KCNQ2: variants seen among roughly 807,000 people sequenced by gnomAD.
KCNQ2 encodes potassium voltage-gated channel subfamily KQT member 2.
A neutral mutation model predicts 84.8 loss-of-function variants in KCNQ2; 14 were observed. That is an observed-to-expected ratio of 0.17 (90% CI 0.11 to 0.26). The LOEUF (loss-of-function observed/expected upper bound fraction) is 0.26, where lower values mean the gene tolerates loss of function less well. Among genes scored for constraint, KCNQ2 ranks in the 10% least tolerant of loss-of-function variants. The pLI, the probability that KCNQ2 is intolerant of heterozygous loss-of-function variation, is 1.00. For synonymous variants in KCNQ2, 599 were observed against 554.1 expected (o/e 1.08, Z -1.14); for missense variants, 788 against 1,254.0 (o/e 0.63, Z 5.61).
intron 8 of KCNQ2, among the ~76,000 whole-genome samples, chr20:63,432,175 C>G (rs1438705862): frequency 6.8e-6 from 1 of 147,872 alleles, no homozygotes; most frequent in African/African-American, 2.5e-5. Context: ...GAAGGCCACA[C>G]CCACAGGGAA....
intron 4 of KCNQ2, 51 bp downstream of exon 4, chr20:63,444,608 G>C: frequency 6.9e-7 from 1 of 1,454,990 alleles, no homozygotes; most frequent in South Asian, 1.4e-5. Flanking sequence ...TCTGGGCCAG[G>C]ACTCTCGCTG....
At chr20:63,468,806 G>A (rs756375010) in intron 1 of KCNQ2, among the ~76,000 whole-genome samples, 39 of 152,312 alleles carry the variant, frequency 2.6e-4, no homozygotes, top group East Asian at 3.9e-4. Context: ...GCCACTCCAC[G>A]TGGCTGGGCT....
rs910070306 is a variant in KCNQ2, at chr20:63,420,299, C to T, written c.1248-627G>A. Among the ~76,000 whole-genome samples, 16 of 152,372 alleles carry T rather than the reference C, an allele frequency of 1.1e-4. No individual in the cohort carries two copies. In the East Asian group the frequency reaches 1.2e-3, roughly 11 times the overall value. On this transcript the variant is annotated intron_variant, in intron 11 of 16. Transcript: ENST00000359125. ...GCCCTTCAGGAGCGCAGCTCCCCGC[C>T]GGGGCGTTCCTTAGAAAAGGCTCAG...
rs1396548183 is a variant in KCNQ2 at position 63,408,143 on chromosome 20, T to C, written c.1887+270A>G. 6.1e-6 allele frequency: 3 copies of C among 494,228 alleles called. No individual in the cohort carries two copies. Among genetic ancestry groups the C allele is most frequent in the East Asian group, 3.7e-5 (1 of 26,924 alleles). The allele number at this position is 494,228 out of a possible 1,614,324, so 30.6% of individuals were successfully genotyped here. Reference sequence around the variant, plus strand: ...CGTTCCACAAGGAACCCCTGAGGGATCCACCTCTCAGCAGCCCCCACCCAG... The same window carrying C: ...CGTTCCACAAGGAACCCCTGAGGGACCCACCTCTCAGCAGCCCCCACCCAG... On this transcript the variant is annotated intron_variant, in intron 16 of 16. Coordinates refer to ENST00000359125, the MANE Select transcript of KCNQ2 (RefSeq NM_172107.4). This position sits in a 1 kb window ranked among gnomAD's most constrained non-coding sequence, Gnocchi z 5.0.
At chr20:63,441,015 TG>T (rs1420885005) in intron 5 of KCNQ2, among the ~76,000 whole-genome samples, 1 of 137,000 alleles carries the variant, frequency 7.3e-6, no homozygotes, top group African/African-American at 2.8e-5. Context: ...TCCCCCAGGC[TG>T]GAGTGCAGTG....
At chr20:63,466,313 CCG>C (rs1487453540) in intron 1 of KCNQ2, 2 of 152,048 alleles carry the variant, frequency 1.3e-5, no homozygotes, top group East Asian at 3.9e-4. Context: ...AGCCGGGGCC[CCG>C]CGCTTCAACC....
At chr20:63,421,753 G>T (rs1272968408) in intron 11 of KCNQ2, among the ~76,000 whole-genome samples, 9 of 152,154 alleles carry the variant, frequency 5.9e-5, no homozygotes, top group African/African-American at 2.2e-4. Flanking sequence ...CAGCACGGGG[G>T]CAGGAGGCAG....
At position 63,438,212 on chromosome 20, in the gene KCNQ2, T is replaced by G; in HGVS notation, c.1023+413A>C. On this transcript the variant is annotated intron_variant, in intron 7 of 16. Coordinates refer to ENST00000359125, the MANE Select transcript of KCNQ2 (RefSeq NM_172107.4). The surrounding 1 kb of genome is among the most constrained non-coding windows in gnomAD (Gnocchi z 5.1). ...AATGGTGGGACGGCACTGGGTGGGG[T>G]CCGGGCGGGCATCATGGGGGCCCAC... The G allele has an allele frequency of 3.3e-6, 1 of 307,622 alleles. No homozygotes were observed. The highest frequency in any genetic ancestry group is 6.3e-6 in the Non-Finnish European group (1 of 157,494). The allele number at this position is 307,622 out of a possible 1,614,324, so 19.1% of individuals were successfully genotyped here. A position where few individuals can be genotyped will look rare whatever the true frequency, so the allele number is the denominator to read the frequency against.
chr20:63,453,162 C>T (rs951491757), intron 1 of KCNQ2, among the ~76,000 whole-genome samples: 3 of 152,144 alleles, frequency 2.0e-5, no homozygotes, highest in Non-Finnish European at 4.4e-5. Context: ...GGCCCTGTGT[C>T]GGGCACCCCA....
intron 15 of KCNQ2, chr20:63,411,944 G>A (rs2080132468): frequency 4.3e-6 from 3 of 700,184 alleles, no homozygotes; most frequent in Admixed American, 4.3e-5. Flanking sequence ...CAGGAAATGA[G>A]GAGCTGGCCA....
At chr20:63,470,608 G>A (rs895818278) in intron 1 of KCNQ2, among the ~76,000 whole-genome samples, 5 of 152,218 alleles carry the variant, frequency 3.3e-5, no homozygotes, top group Admixed American at 2.0e-4. Context: ...TGGACTCAAA[G>A]CAGAACCAAC....
intron 1 of KCNQ2, among the ~76,000 whole-genome samples, chr20:63,465,475 C>T (rs1475466509): frequency 1.3e-5 from 2 of 152,180 alleles, no homozygotes; most frequent in African/African-American, 4.8e-5. Context: ...CTGCTGAGGC[C>T]AGCGGTCGGC....
intron 14 of KCNQ2, 45 bp from the exon 15 acceptor site, chr20:63,413,626 CCGG>C: frequency 6.2e-7 from 1 of 1,610,792 alleles, no homozygotes; most frequent in Non-Finnish European, 8.5e-7. Context: ...CCAGAGACCC[CCGG>C]CCACAGGCAC....
Position 63,433,949 on chromosome 20 carries a change from G to A in KCNQ2, c.1024-46C>T, listed in dbSNP as rs748824215. 135 of 1,575,348 alleles carry A rather than the reference G, an allele frequency of 8.6e-5. No homozygotes were observed. The Admixed American group carries it at 2.3e-3, about 26-fold the overall frequency. On this transcript the variant is annotated intron_variant, in intron 7 of 16. Transcript: ENST00000359125. ...CAGTTGGCGAGGGGCAGGCGGCGAG[G>A]GGCGCGCCCAGGAGGGCCGGGCGTG...
At chr20:63,463,718 G>A (rs1383526994) in intron 1 of KCNQ2, 1 of 152,242 alleles carries the variant, frequency 6.6e-6, no homozygotes, top group Non-Finnish European at 1.5e-5. Flanking sequence ...AAACAGAAAA[G>A]CAAGCTCGAA....
intron 4 of KCNQ2, among the ~76,000 whole-genome samples, chr20:63,442,782 C>CCACCACCAT (rs1555872408): frequency 3.8e-4 from 12 of 31,794 alleles, no homozygotes; most frequent in Middle Eastern, 0.019. Flanking sequence ...ATCACCACCA[C>CCACCACCAT]CACCATCACC....
At position 63,401,087 on chromosome 20, in the gene KCNQ2, A is replaced by G; in HGVS notation, c.*5557T>C. ...AGTCAGACGCTGAGGACCTCTCAGGACGGGGCCCCTGGCCAGAGCCAGTCT... is the reference window on the plus strand; with the variant it reads ...AGTCAGACGCTGAGGACCTCTCAGGGCGGGGCCCCTGGCCAGAGCCAGTCT... On this transcript the variant is annotated 3_prime_UTR_variant, in exon 17 of 17. Coordinates refer to ENST00000359125, the MANE Select transcript of KCNQ2 (RefSeq NM_172107.4). The G allele has an allele frequency of 2.6e-6, 1 of 389,138 alleles. No individual in the cohort carries two copies. Among genetic ancestry groups the G allele is most frequent in the Non-Finnish European group, 4.5e-6 (1 of 220,520 alleles). The allele number at this position is 389,138 out of a possible 1,614,324, so 24.1% of individuals were successfully genotyped here.
rs1202398129 is a variant in KCNQ2 at position 63,414,555 on chromosome 20, C to T, written c.1525+348G>A. Among the ~76,000 whole-genome samples, 1 of 152,050 alleles carries T rather than the reference C, an allele frequency of 6.6e-6. No individual in the cohort carries two copies. ...AGACCCAACGGCCCCACGTGGGAGC[C>T]GCAGACACGCACGGCCCAAGAGCAG... On this transcript the variant is annotated intron_variant, in intron 13 of 16. Coordinates refer to ENST00000359125, the MANE Select transcript of KCNQ2 (RefSeq NM_172107.4). The surrounding 1 kb of genome is among the most constrained non-coding windows in gnomAD (Gnocchi z 6.6).
At chr20:63,468,995 C>T (rs1051537227) in intron 1 of KCNQ2, among the ~76,000 whole-genome samples, 1 of 152,254 alleles carries the variant, frequency 6.6e-6, no homozygotes, top group Non-Finnish European at 1.5e-5. Flanking sequence ...AACTGAGGTC[C>T]GCACCCAGCG....
Sources: allele counts gnomAD v4.1 joint callset (sites outside exome capture counted in the v4.1 genomes callset), GRCh38; gene constraint gnomAD v4.1.1; non-coding constraint Gnocchi (gnomAD v3.1); transcripts MANE v1.5; gene names NCBI Gene and HGNC (gene_info 2026-07-23, HGNC 2026-07-21).